The following ZFAT variants were observed in gnomAD, a reference collection of about 807,000 sequenced individuals.
ZFAT encodes the protein zinc finger protein ZFAT.
In ZFAT, 64 loss-of-function variants were observed where a neutral mutation model predicts 117.7. That is an observed-to-expected ratio of 0.54 (90% CI 0.44 to 0.67). The LOEUF (loss-of-function observed/expected upper bound fraction) is 0.67. Among genes scored for constraint, ZFAT ranks in the 30% least tolerant of loss-of-function variants. The pLI, the probability that ZFAT is intolerant of heterozygous loss-of-function variation, is 0.00. For synonymous variants in ZFAT, 679 were observed against 615.0 expected (o/e 1.10, Z -1.54); for missense variants, 1,433 against 1,584.5 (o/e 0.90, Z 1.62).
chr8:134,545,907 A>C (rs1226829651), intron 11 of ZFAT, among the ~76,000 whole-genome samples: 1 of 152,218 alleles, frequency 6.6e-6, no homozygotes, highest in Non-Finnish European at 1.5e-5. Context: ...AAGAAAAGTA[A>C]AGAAAGAAAG....
intron 15 of ZFAT, among the ~76,000 whole-genome samples, chr8:134,481,674 A>T (rs1817316073): frequency 6.6e-6 from 1 of 152,046 alleles, no homozygotes; most frequent in Non-Finnish European, 1.5e-5. Context: ...CAGGGGACAG[A>T]CTCCAAGTTC....
At chr8:134,745,445 T>G in the ZFAT span, among the ~76,000 whole-genome samples, 1 of 152,200 alleles carries the variant, frequency 6.6e-6, no homozygotes, top group Non-Finnish European at 1.5e-5. Flanking sequence ...TGAGTGAATG[T>G]TCCAGTAAGG....
intron 10 of ZFAT, 76 bp from the exon 11 acceptor site, chr8:134,565,497 G>A: frequency 7.3e-7 from 1 of 1,373,032 alleles, no homozygotes; most frequent in South Asian, 1.2e-5. Flanking sequence ...CAGGCATGGA[G>A]CCAGGTACAC....
At chr8:134,649,165 T>TCTCTCACACACACACA (rs1554614264) in intron 2 of ZFAT, among the ~76,000 whole-genome samples, 16 of 76,968 alleles carry the variant, frequency 2.1e-4, no homozygotes, top group African/African-American at 6.4e-4. Flanking sequence ...CATCTATCTC[T>TCTCTCACACACACACA]CACACACACA....
chr8:134,510,037 C>T (rs1422493203), intron 14 of ZFAT: 2 of 478,792 alleles, frequency 4.2e-6, no homozygotes, highest in Non-Finnish European at 8.3e-6. Context: ...GTCAGTTACA[C>T]CACAAAGCCA....
intron 11 of ZFAT, among the ~76,000 whole-genome samples, chr8:134,552,505 C>A (rs1823242405): frequency 6.6e-6 from 1 of 152,212 alleles, no homozygotes; most frequent in Admixed American, 6.5e-5. Flanking sequence ...TGACAACAGG[C>A]AATAGATTTC....
intron 3 of ZFAT, among the ~76,000 whole-genome samples, chr8:134,632,730 G>A (rs892125688): frequency 6.6e-6 from 1 of 152,154 alleles, no homozygotes; most frequent in African/African-American, 2.4e-5. Context: ...AGGAAAAAAA[G>A]CAATGCTACA....
At chr8:134,808,897 A>G in the ZFAT span, among the ~76,000 whole-genome samples, 7 of 152,328 alleles carry the variant, frequency 4.6e-5, no homozygotes, top group African/African-American at 1.7e-4. Flanking sequence ...ATTAATTATC[A>G]AATCAAAGTT....
Position 134,659,739 on chromosome 8 carries a change from A to G in ZFAT, c.20-2002T>C, listed in dbSNP as rs540107576. ...CCCCCAACCCATTTCTCTCCTCTTT[A>G]CAGTAAAACTCTCCTACCAGAAAGA... On this transcript the variant is annotated intron_variant, in intron 1 of 15. Transcript: ENST00000377838. Among the ~76,000 whole-genome samples, 31 of 152,224 alleles carry G rather than the reference A, an allele frequency of 2.0e-4. No individual in the cohort carries two copies. In the East Asian group the frequency reaches 6.0e-3, roughly 29 times the overall value.
rs138044594 is a variant in ZFAT, at chr8:134,576,748, A to G, written c.2887+7084T>C. ...GCAGCCATGAGATCTCTTATCATAAATTGAAGAAGGGACAGAAAAAAAGGG... is the reference window on the plus strand; with the variant it reads ...GCAGCCATGAGATCTCTTATCATAAGTTGAAGAAGGGACAGAAAAAAAGGG... On this transcript the variant is annotated intron_variant, in intron 10 of 15. Transcript: ENST00000377838. Among the ~76,000 whole-genome samples, 45 of 152,324 alleles carry G rather than the reference A, an allele frequency of 3.0e-4. No individual in the cohort carries two copies. The East Asian group carries it at 8.5e-3, about 29-fold the overall frequency.
At chr8:134,644,342 G>A (rs1830751250) in intron 2 of ZFAT, among the ~76,000 whole-genome samples, 2 of 152,176 alleles carry the variant, frequency 1.3e-5, no homozygotes, top group Admixed American at 6.5e-5. Context: ...AAATGGGAGA[G>A]CCAAAACGAG....
chr8:134,575,045 A>G (rs1825199200), intron 10 of ZFAT, among the ~76,000 whole-genome samples: 1 of 152,172 alleles, frequency 6.6e-6, no homozygotes, highest in African/African-American at 2.4e-5. Context: ...ACAGATATCC[A>G]TTCTTATACT....
In ZFAT at chr8:134,602,531, C is replaced by T. The variant is rs773069416; in HGVS notation, c.1188G>A (p.Arg396=). ...CATAGAGCAGCTGCCGCTTGCCCTC[C>T]CTCGTCATCAGGCAGAGCTCGTCCA... ...EALDELCLMT[R]EGKRQLLYDC... The change falls in exon 6 of 16, where the codon AGG becomes AGA. Residue 396 remains arginine, a synonymous_variant. Transcript: ENST00000377838. The T allele has an allele frequency of 6.8e-6, 11 of 1,614,030 alleles. No individual in the cohort carries two copies. The highest frequency in any genetic ancestry group is 1.7e-5 in the Admixed American group (1 of 60,038).
At chr8:134,751,299 C>T in the ZFAT span, among the ~76,000 whole-genome samples, 1 of 152,180 alleles carries the variant, frequency 6.6e-6, no homozygotes, top group Non-Finnish European at 1.5e-5. Context: ...GGTCAGGGGG[C>T]TCCAAGACCA....
At position 134,613,429 on chromosome 8, in the gene ZFAT, G is replaced by A. The variant is rs1828490253; in HGVS notation, c.449-2774C>T. ...TGCAGAACCGGGGGGCTGGACGTGG[G>A]TGAAGGTCTGGCGCCATGCCGTTTT... On this transcript the variant is annotated intron_variant, in intron 3 of 15. Coordinates refer to ENST00000377838, the MANE Select transcript of ZFAT (RefSeq NM_020863.4). Among the ~76,000 whole-genome samples, 9 of 152,360 alleles carry A rather than the reference G, an allele frequency of 5.9e-5. No homozygotes were observed. In the South Asian group the frequency reaches 1.9e-3, roughly 32 times the overall value.
chr8:134,522,433 C>T (rs1229580235), intron 12 of ZFAT, among the ~76,000 whole-genome samples: 1 of 152,254 alleles, frequency 6.6e-6, no homozygotes. Flanking sequence ...AAGCATCCCA[C>T]TCTGACGACT....
Position 134,509,636 on chromosome 8 carries a change from C to T in ZFAT, c.3475G>A (p.Val1159Met). Residue 1159 changes from valine (V) to methionine (M), a missense_variant, in exon 15 of 16, where the codon GTG (valine) becomes ATG (methionine). Coordinates refer to ENST00000377838, the MANE Select transcript of ZFAT (RefSeq NM_020863.4). ...GTCCCTACCTGCTTAACCACAGTCACCGTCCCTGGTGCCATGGCAACCACC... is the reference window on the plus strand; with the variant it reads ...GTCCCTACCTGCTTAACCACAGTCATCGTCCCTGGTGCCATGGCAACCACC... ...ASVVAMAPGTVTVVKQVTEEE... is the reference protein window; with the variant it reads ...ASVVAMAPGTMTVVKQVTEEE... 1 of 1,613,528 alleles carries T rather than the reference C, an allele frequency of 6.2e-7. No homozygotes were observed. The highest frequency in any genetic ancestry group is 2.2e-5 in the East Asian group (1 of 44,858).
At chr8:134,716,447 TC>T (rs1168979413), upstream of ZFAT, among the ~76,000 whole-genome samples, 1 of 152,156 alleles carries the variant, frequency 6.6e-6, no homozygotes, top group African/African-American at 2.4e-5. Flanking sequence ...TGCCATCACA[TC>T]CCCGGTCTGC....
chr8:134,571,170 T>C (rs1490933883), intron 10 of ZFAT, among the ~76,000 whole-genome samples: 1 of 152,106 alleles, frequency 6.6e-6, no homozygotes, highest in Non-Finnish European at 1.5e-5. Flanking sequence ...CAGCAAGTAG[T>C]CCAACAAATA....
Sources: allele counts gnomAD v4.1 joint callset (sites outside exome capture counted in the v4.1 genomes callset), GRCh38; gene constraint gnomAD v4.1.1; transcripts MANE v1.5; gene names NCBI Gene and HGNC (gene_info 2026-07-23, HGNC 2026-07-21).